The following OR6N1 variants were observed in gnomAD, a reference collection of about 807,000 sequenced individuals.
The protein encoded by OR6N1 is olfactory receptor family 6 subfamily N member 1, also known as olfactory receptor 6N1.
For synonymous variants in OR6N1, 170 were observed against 150.7 expected (o/e 1.13, Z -0.94); for missense variants, 394 against 371.7 (o/e 1.06, Z -0.49).
At chr1:158,814,855 T>C in the OR6N1 span, among the ~76,000 whole-genome samples, 1 of 152,264 alleles carries the variant, frequency 6.6e-6, no homozygotes, top group Admixed American at 6.5e-5. Flanking sequence ...GAAAAAAAAC[T>C]AAAGCAATAA....
the OR6N1 span, among the ~76,000 whole-genome samples, chr1:158,785,077 T>A: frequency 1.4e-3 from 219 of 152,316 alleles, 3 homozygotes; most frequent in East Asian, 0.035. Flanking sequence ...CAGTGCTACA[T>A]ACTTATTGCC....
the OR6N1 span, among the ~76,000 whole-genome samples, chr1:158,802,570 A>G: frequency 6.6e-6 from 1 of 151,968 alleles, no homozygotes; most frequent in Admixed American, 6.6e-5. Context: ...TTTTTTTGCA[A>G]GGAGATTTCT....
the OR6N1 span, among the ~76,000 whole-genome samples, chr1:158,807,720 C>G: frequency 2.0e-5 from 3 of 152,184 alleles, no homozygotes; most frequent in Admixed American, 2.0e-4. Flanking sequence ...TAACCTTTCT[C>G]CAAGAATCTT....
chr1:158,819,898 C>A, the OR6N1 span, among the ~76,000 whole-genome samples: 1 of 152,118 alleles, frequency 6.6e-6, no homozygotes, highest in African/African-American at 2.4e-5. Flanking sequence ...GAGACCCTAA[C>A]CCAGCAGCAC....
the OR6N1 span, among the ~76,000 whole-genome samples, chr1:158,836,240 T>C: frequency 6.6e-6 from 1 of 152,048 alleles, no homozygotes; most frequent in South Asian, 2.1e-4. Context: ...TGCTGAGTCA[T>C]ACAATGAGTT....
chr1:158,829,268 C>G, the OR6N1 span, among the ~76,000 whole-genome samples: 1 of 152,228 alleles, frequency 6.6e-6, no homozygotes, highest in African/African-American at 2.4e-5. Flanking sequence ...CATTATTAGG[C>G]TGCAAATTTT....
upstream of OR6N1, chr1:158,775,731 A>C (rs1657575343): frequency 6.6e-6 from 1 of 151,598 alleles, no homozygotes; most frequent in African/African-American, 2.4e-5. Context: ...TGATTTAAGA[A>C]TATATTTTGT....
the OR6N1 span, among the ~76,000 whole-genome samples, chr1:158,785,955 A>G: frequency 2.6e-5 from 4 of 151,952 alleles, no homozygotes; most frequent in Non-Finnish European, 4.4e-5. Flanking sequence ...AAATCTCATG[A>G]TCATGACTAA....
the OR6N1 span, among the ~76,000 whole-genome samples, chr1:158,793,905 G>C: frequency 6.6e-6 from 1 of 152,142 alleles, no homozygotes; most frequent in Non-Finnish European, 1.5e-5. Context: ...TCAGGAGGAG[G>C]AGCAGGAGCC....
chr1:158,773,072 G>A (rs1657464057), upstream of OR6N1, among the ~76,000 whole-genome samples: 1 of 151,968 alleles, frequency 6.6e-6, no homozygotes, highest in Admixed American at 6.6e-5. Context: ...TATGAACTAT[G>A]AGAAGAATTA....
the OR6N1 span, among the ~76,000 whole-genome samples, chr1:158,782,747 G>T: frequency 2.0e-5 from 3 of 152,154 alleles, no homozygotes; most frequent in African/African-American, 4.8e-5. Flanking sequence ...ACTCATTTTA[G>T]CTAGAAGACA....
At chr1:158,810,764 C>A in the OR6N1 span, among the ~76,000 whole-genome samples, 1 of 152,320 alleles carries the variant, frequency 6.6e-6, no homozygotes, top group East Asian at 1.9e-4. Context: ...ACTTCCCAAT[C>A]AGCTTCATCT....
chr1:158,766,889 A>T (rs1412940436), intron 1 of OR6N1, among the ~76,000 whole-genome samples, 189 bp from the exon 2 acceptor site: 1 of 152,066 alleles, frequency 6.6e-6, no homozygotes, highest in Non-Finnish European at 1.5e-5. Flanking sequence ...CCTCCTTCAG[A>T]CTATTCACCT....
chr1:158,812,314 A>T, the OR6N1 span, among the ~76,000 whole-genome samples: 1 of 152,244 alleles, frequency 6.6e-6, no homozygotes, highest in African/African-American at 2.4e-5. Flanking sequence ...TTAACATTGT[A>T]TATAATGAGG....
the OR6N1 span, among the ~76,000 whole-genome samples, chr1:158,818,509 A>C: frequency 6.6e-6 from 1 of 152,200 alleles, no homozygotes; most frequent in South Asian, 2.1e-4. Context: ...ATGCTCAAGA[A>C]GTAGGAGCTT....
chr1:158,792,077 A>G, the OR6N1 span, among the ~76,000 whole-genome samples: 1 of 152,188 alleles, frequency 6.6e-6, no homozygotes, highest in African/African-American at 2.4e-5. Flanking sequence ...TGGGGACTCC[A>G]GAGTTAGATA....
chr1:158,839,831 G>T, the OR6N1 span, among the ~76,000 whole-genome samples: 1 of 152,116 alleles, frequency 6.6e-6, no homozygotes, highest in Admixed American at 6.6e-5. Context: ...TTCATAAATT[G>T]TTCTTTATTT....
the OR6N1 span, among the ~76,000 whole-genome samples, chr1:158,795,794 A>G: frequency 6.6e-6 from 1 of 152,122 alleles, no homozygotes; most frequent in Non-Finnish European, 1.5e-5. Flanking sequence ...CCCACTTCTT[A>G]TGCTCTGGAG....
At chr1:158,815,882 A>C in the OR6N1 span, among the ~76,000 whole-genome samples, 1 of 152,162 alleles carries the variant, frequency 6.6e-6, no homozygotes, top group African/African-American at 2.4e-5. Context: ...TAGGCCGGGC[A>C]CAGTGGCTCA....
Sources: allele counts gnomAD v4.1 joint callset (sites outside exome capture counted in the v4.1 genomes callset), GRCh38; gene constraint gnomAD v4.1.1; transcripts MANE v1.5; gene names NCBI Gene and HGNC (gene_info 2026-07-23, HGNC 2026-07-21).